The following TNRC6B variants were observed in gnomAD, a reference collection of about 807,000 sequenced individuals.
The protein encoded by TNRC6B is trinucleotide repeat-containing gene 6B protein.
A neutral mutation model predicts 203.6 loss-of-function variants in TNRC6B; 52 were observed. The ratio of observed to expected loss-of-function variants is 0.26; its 90% CI spans 0.20 to 0.32. The LOEUF (loss-of-function observed/expected upper bound fraction) is 0.32, where lower values mean the gene tolerates loss of function less well. Among genes scored for constraint, TNRC6B ranks in the 10% least tolerant of loss-of-function variants. TNRC6B has a pLI of 1.00. For missense variants in TNRC6B, 1,923 were observed against 2,286.2 expected (o/e 0.84, Z 3.24); for synonymous variants, 838 against 845.7 (o/e 0.99, Z 0.16).
chr22:40,149,858 G>T (rs1276385990), intron 3 of TNRC6B, among the ~76,000 whole-genome samples: 3 of 151,940 alleles, frequency 2.0e-5, no homozygotes, highest in African/African-American at 7.3e-5. Flanking sequence ...AAGTACAGTG[G>T]TGCCATCATA....
intron 3 of TNRC6B, among the ~76,000 whole-genome samples, chr22:40,129,404 G>A (rs1386600317): frequency 6.6e-6 from 1 of 152,166 alleles, no homozygotes; most frequent in East Asian, 1.9e-4. Context: ...CTGGTGAGAA[G>A]GCACGTGCAG....
chr22:40,219,732 A>G (rs1380345872), intron 1 of TNRC6B, among the ~76,000 whole-genome samples: 1 of 151,970 alleles, frequency 6.6e-6, no homozygotes, highest in Non-Finnish European at 1.5e-5. Flanking sequence ...GAGTTCTCAA[A>G]TGTCCCCCCT....
intron 1 of TNRC6B, among the ~76,000 whole-genome samples, chr22:40,243,959 C>CTT (rs79477650): frequency 6.9e-6 from 1 of 145,532 alleles, no homozygotes; most frequent in South Asian, 2.2e-4. Flanking sequence ...AACCTAATAC[C>CTT]TTTTTTTTTT....
In TNRC6B at chr22:40,327,791, C is replaced by G. The variant is rs2071422012; in HGVS notation, c.*4550C>G. The G allele has an allele frequency of 6.6e-6, 1 of 152,166 alleles. No individual in the cohort carries two copies. Among genetic ancestry groups the G allele is most frequent in the Non-Finnish European group, 1.5e-5 (1 of 68,032 alleles). 9.4% of individuals were successfully genotyped at this position (152,166 alleles called of 1,614,324 possible). On this transcript the variant is annotated 3_prime_UTR_variant, in exon 23 of 23. Coordinates refer to ENST00000454349, the MANE Select transcript of TNRC6B (RefSeq NM_001162501.2). ...GCATAGATACAGGCTTGCTGGTCAC[C>G]TCTCATTACATAGATTTATTTTAAA... is the stretch of plus-strand genomic sequence containing the variant.
chr22:40,075,156 A>ATATATATATATATTTTT, intron 1 of TNRC6B, among the ~76,000 whole-genome samples: 5 of 35,558 alleles, frequency 1.4e-4, no homozygotes, highest in African/African-American at 5.2e-4. Flanking sequence ...ATATATATAT[A>ATATATATATATATTTTT]TTTTTTTTTT....
Position 40,265,862 on chromosome 22 carries a change from C to G in TNRC6B, c.1632C>G (p.His544Gln), listed in dbSNP as rs1418641769. 1 of 1,613,984 alleles carries G rather than the reference C, an allele frequency of 6.2e-7. No homozygotes were observed. Among genetic ancestry groups the G allele is most frequent in the East Asian group, 2.2e-5 (1 of 44,878 alleles). ...GAGCATGGGACAATCAAAAGGGCCA[C>G]CCCCTCCCTGAAAACCAAGGCAATG... ...STGAWDNQKG[H>Q]PLPENQGNAQ... is the part of the protein sequence containing the mutation. Residue 544 changes from histidine to glutamine, a missense_variant, in exon 5 of 23, where the codon CAC becomes CAG. Around this residue, in one of 8 missense-constraint regions of TNRC6B, gnomAD observed 614 missense variants for 587.7 expected, o/e 1.04. Coordinates refer to ENST00000454349, the MANE Select transcript of TNRC6B (RefSeq NM_001162501.2).
intron 17 of TNRC6B, 95 bp from the exon 18 acceptor site, chr22:40,312,410 T>C (rs1288976608): frequency 8.0e-7 from 1 of 1,247,644 alleles, no homozygotes; most frequent in African/African-American, 1.5e-5. Flanking sequence ...TCAGTATTTA[T>C]ACTTTTCACA....
chr22:40,259,656 C>T (rs895159209), intron 3 of TNRC6B, among the ~76,000 whole-genome samples: 12 of 152,174 alleles, frequency 7.9e-5, no homozygotes, highest in African/African-American at 2.9e-4. Flanking sequence ...ATGGGGTTAC[C>T]TGGAAATTGC....
At chr22:40,126,844 G>A (rs2068498373) in intron 3 of TNRC6B, among the ~76,000 whole-genome samples, 1 of 150,846 alleles carries the variant, frequency 6.6e-6, no homozygotes, top group South Asian at 2.1e-4. Flanking sequence ...ACCCACCTAG[G>A]TCTTCCAAAG....
intron 1 of TNRC6B, among the ~76,000 whole-genome samples, chr22:40,052,204 C>T (rs1052053966): frequency 2.6e-5 from 4 of 152,174 alleles, no homozygotes; most frequent in African/African-American, 4.8e-5. Context: ...TTTAAGTTCT[C>T]GTCATATTCT....
intron 4 of TNRC6B, among the ~76,000 whole-genome samples, chr22:40,164,531 G>C (rs1158588582): frequency 2.6e-5 from 4 of 151,130 alleles, no homozygotes; most frequent in African/African-American, 9.7e-5. Flanking sequence ...GGGAGGCCAA[G>C]GCGGGTGGAT....
chr22:40,309,564 G>C (rs2071143258), intron 16 of TNRC6B, among the ~76,000 whole-genome samples: 1 of 152,204 alleles, frequency 6.6e-6, no homozygotes, highest in Non-Finnish European at 1.5e-5. Flanking sequence ...AAATCTGTTT[G>C]TGGACTGAAT....
chr22:40,078,116 T>A (rs2068034324), intron 1 of TNRC6B, among the ~76,000 whole-genome samples: 1 of 152,260 alleles, frequency 6.6e-6, no homozygotes. Flanking sequence ...AGATACACAT[T>A]GTCAAGCTGA....
chr22:40,176,646 A>G (rs1293888321), upstream of TNRC6B, among the ~76,000 whole-genome samples: 1 of 152,142 alleles, frequency 6.6e-6, no homozygotes, highest in African/African-American at 2.4e-5. Flanking sequence ...GTGGAGCCTC[A>G]CAGAGCAGTG....
intron 1 of TNRC6B, among the ~76,000 whole-genome samples, chr22:40,210,995 A>G (rs991247757): frequency 6.6e-6 from 1 of 152,210 alleles, no homozygotes; most frequent in African/African-American, 2.4e-5. Context: ...GAAGGGCAGA[A>G]TCATCCTTGC....
chr22:40,130,050 A>G (rs2068527596), intron 3 of TNRC6B, among the ~76,000 whole-genome samples: 1 of 152,212 alleles, frequency 6.6e-6, no homozygotes, highest in Non-Finnish European at 1.5e-5. Flanking sequence ...CCACCACCCA[A>G]TTTTAGGACA....
At chr22:40,206,135 T>G (rs1239646279) in intron 1 of TNRC6B, among the ~76,000 whole-genome samples, 1 of 152,190 alleles carries the variant, frequency 6.6e-6, no homozygotes, top group Non-Finnish European at 1.5e-5. Context: ...GAAATATATT[T>G]TTTTAATTTT....
intron 15 of TNRC6B, among the ~76,000 whole-genome samples, chr22:40,305,037 C>T (rs1368627996): frequency 1.3e-5 from 2 of 152,104 alleles, no homozygotes; most frequent in Non-Finnish European, 2.9e-5. Flanking sequence ...AGAGTGAAGG[C>T]AGGATCAGTG....
intron 4 of TNRC6B, among the ~76,000 whole-genome samples, chr22:40,170,335 ATATAGTTTATATATATATTATG>A (rs2068962264): frequency 7.6e-5 from 6 of 79,144 alleles, no homozygotes; most frequent in Non-Finnish European, 1.3e-4. Context: ...TATATATTAT[ATATAGTTTATATATATATTATG>A]TATATAGTTT....
Sources: allele counts gnomAD v4.1 joint callset (sites outside exome capture counted in the v4.1 genomes callset), GRCh38; gene constraint gnomAD v4.1.1; regional missense constraint gnomAD v4.1.1; transcripts MANE v1.5; gene names NCBI Gene and HGNC (gene_info 2026-07-23, HGNC 2026-07-21).